PLAG1: variants seen among roughly 807,000 people sequenced by gnomAD.
PLAG1 encodes the protein PLAG1 zinc finger.
Under a neutral mutation model 35.5 loss-of-function variants are expected in PLAG1, and 7 were observed. The observed-to-expected ratio is 0.20, with a 90% confidence interval of 0.11 to 0.37. PLAG1 has a LOEUF of 0.37. Among genes scored for constraint, PLAG1 ranks in the 10% least tolerant of loss-of-function variants. The pLI is 1.00. For missense variants in PLAG1, 454 were observed against 602.8 expected, an observed-to-expected ratio of 0.75 and a Z score of 2.58; for synonymous variants, 229 against 225.4, an observed-to-expected ratio of 1.02 and a Z score of -0.14.
In PLAG1 at chr8:56,161,496, C is replaced by A; in HGVS notation, c.*4747G>T. 4.4e-6 allele frequency: 1 copy of A among 226,420 alleles called. No homozygotes were observed. Among genetic ancestry groups the A allele is most frequent in the Non-Finnish European group, 8.8e-6 (1 of 113,446 alleles). 14.0% of individuals were successfully genotyped at this position (226,420 alleles called of 1,614,324 possible). Reference sequence around the variant, plus strand: ...AATTCAAAGGGCTGTTAGTAACATACAGCATGTTCTTCACTCCACACCCTA... The same window carrying A: ...AATTCAAAGGGCTGTTAGTAACATAAAGCATGTTCTTCACTCCACACCCTA... On this transcript the variant is annotated 3_prime_UTR_variant, in exon 5 of 5. Transcript: ENST00000316981.
chr8:56,171,480 C>T (rs1811521480), intron 2 of PLAG1: 1 of 152,178 alleles, frequency 6.6e-6, no homozygotes, highest in African/African-American at 2.4e-5. Flanking sequence ...ATCTGACTTA[C>T]CTACTGAAAT....
At chr8:56,192,189 G>T (rs1812205122) in intron 1 of PLAG1, among the ~76,000 whole-genome samples, 2 of 152,344 alleles carry the variant, frequency 1.3e-5, no homozygotes, top group Admixed American at 6.5e-5. Flanking sequence ...GACAGCGACT[G>T]TAAGTCTTCC....
At chr8:56,201,407 G>C (rs962953309) in intron 1 of PLAG1, among the ~76,000 whole-genome samples, 1 of 152,158 alleles carries the variant, frequency 6.6e-6, no homozygotes, top group African/African-American at 2.4e-5. Context: ...ATGAGACAAA[G>C]TTTATACTTA....
At chr8:56,199,093 C>A (rs781097842) in intron 1 of PLAG1, among the ~76,000 whole-genome samples, 3 of 152,120 alleles carry the variant, frequency 2.0e-5, no homozygotes, top group Non-Finnish European at 4.4e-5. Context: ...GGAGTGGGAA[C>A]GGGTGCTCAG....
At position 56,162,521 on chromosome 8, in the gene PLAG1, A is replaced by G; in HGVS notation, c.*3722T>C. ...TTATATATCAAAGGCCTACATATAT[A>G]TCATCTAATGGCACTTGAATTATAA... is the stretch of plus-strand genomic sequence containing the variant. On this transcript the variant is annotated 3_prime_UTR_variant, in exon 5 of 5. Transcript: ENST00000316981. The G allele has an allele frequency of 4.7e-6, 1 of 213,418 alleles. No individual in the cohort carries two copies. Among genetic ancestry groups the G allele is most frequent in the Non-Finnish European group, 9.5e-6 (1 of 105,236 alleles). 13.2% of individuals were successfully genotyped at this position (213,418 alleles called of 1,614,324 possible).
rs1228565535 is a variant in PLAG1 at position 56,167,389 on chromosome 8, C to T, written c.357G>A (p.Glu119=). The part of the protein sequence containing the change: ...NHLHTHDPNK[E]TFKCEECGKN... Reference sequence around the variant, plus strand: ...TGCCACATTCTTCGCACTTAAACGTCTCTTTGTTAGGGTCGTGTGTATGGA... The same window carrying T: ...TGCCACATTCTTCGCACTTAAACGTTTCTTTGTTAGGGTCGTGTGTATGGA... Residue 119 remains glutamate (E), a synonymous_variant, in exon 5 of 5, where the codon GAG becomes GAA. Transcript: ENST00000316981. The surrounding 1 kb of genome is among the most constrained non-coding windows in gnomAD (Gnocchi z 5.9). 6.2e-7 allele frequency: 1 copy of T among 1,613,996 alleles called. No homozygotes were observed. Among genetic ancestry groups the T allele is most frequent in the Admixed American group, 1.7e-5 (1 of 59,986 alleles).
Position 56,167,789 on chromosome 8 carries a change from T to C in PLAG1, c.242+239A>G, listed in dbSNP as rs1410370017. On this transcript the variant is annotated intron_variant, in intron 4 of 4. Transcript: ENST00000316981. This position sits in a 1 kb window ranked among gnomAD's most constrained non-coding sequence, Gnocchi z 5.9. ...CGTCCTTACCCTTTTCTTGTTGTAATTTCTTTCTACAAATGGAAATTCTAC... is the reference window on the plus strand; with the variant it reads ...CGTCCTTACCCTTTTCTTGTTGTAACTTCTTTCTACAAATGGAAATTCTAC... 2.0e-5 allele frequency among the ~76,000 whole-genome samples: 3 copies of C among 152,364 alleles called. No individual in the cohort carries two copies. The highest frequency in any genetic ancestry group is 4.1e-4 in the South Asian group (2 of 4,834).
intron 1 of PLAG1, among the ~76,000 whole-genome samples, chr8:56,185,691 G>A (rs36077344): frequency 0.042 from 6,387 of 152,198 alleles, 189 homozygotes; most frequent in Non-Finnish European, 0.067. Flanking sequence ...AAGCCAGTTC[G>A]GTTCACCTGT....
At chr8:56,179,731 A>C (rs1355967698) in intron 1 of PLAG1, among the ~76,000 whole-genome samples, 1 of 151,842 alleles carries the variant, frequency 6.6e-6, no homozygotes, top group African/African-American at 2.4e-5. Context: ...CTCCCGAATC[A>C]CAGTTATCTA....
chr8:56,170,104 C>T (rs1235513984), intron 3 of PLAG1, among the ~76,000 whole-genome samples: 3 of 152,160 alleles, frequency 2.0e-5, no homozygotes, highest in Non-Finnish European at 4.4e-5. Flanking sequence ...TCTAAACAGG[C>T]AAAATACAGC....
rs993185028 is a variant in PLAG1 at position 56,162,936 on chromosome 8, C to CA, written c.*3306dup. 10 of 215,220 alleles carry CA rather than the reference C, an allele frequency of 4.6e-5. No homozygotes were observed. Among genetic ancestry groups the CA allele is most frequent in the African/African-American group, 2.3e-4 (10 of 44,270 alleles). The allele number at this position is 215,220 out of a possible 1,614,324, so 13.3% of individuals were successfully genotyped here. A position where few individuals can be genotyped will look rare whatever the true frequency, so the allele number is the denominator to read the frequency against. ...CTAAATGAAATAAAAAAGTTGCACACAGAGTGATGCATAATCAGCCAGGAC... is the reference window on the plus strand; with the variant it reads ...CTAAATGAAATAAAAAAGTTGCACACAAGAGTGATGCATAATCAGCCAGGAC... On this transcript the variant is annotated 3_prime_UTR_variant, in exon 5 of 5. Coordinates refer to ENST00000316981, the MANE Select transcript of PLAG1 (RefSeq NM_002655.3).
At chr8:56,210,185 C>T (rs1812827990) in intron 1 of PLAG1, among the ~76,000 whole-genome samples, 3 of 152,168 alleles carry the variant, frequency 2.0e-5, no homozygotes, top group South Asian at 2.1e-4. Flanking sequence ...TTGGTCCCTG[C>T]AAAGTCAAAA....
chr8:56,175,808 G>A (rs1460939324), intron 2 of PLAG1, among the ~76,000 whole-genome samples: 1 of 152,024 alleles, frequency 6.6e-6, no homozygotes, highest in Non-Finnish European at 1.5e-5. Context: ...TTCCAAAGTG[G>A]AATCAGAAAA....
In PLAG1 at chr8:56,171,996, T is replaced by C. The variant is rs944015429; in HGVS notation, c.-216-807A>G. Among the ~76,000 whole-genome samples the C allele has an allele frequency of 4.6e-5, 7 of 152,168 alleles. No homozygotes were observed. The East Asian group carries it at 5.8e-4, about 13-fold the overall frequency. On this transcript the variant is annotated intron_variant, in intron 2 of 4. Transcript: ENST00000316981. ...AAAGAATAACGGTCAAAAGGCAGAATAGAATCACCTATTGTAGAGAGCACA... is the reference window on the plus strand; with the variant it reads ...AAAGAATAACGGTCAAAAGGCAGAACAGAATCACCTATTGTAGAGAGCACA...
intron 2 of PLAG1, among the ~76,000 whole-genome samples, chr8:56,175,474 A>C (rs1044032741): frequency 2.0e-5 from 3 of 152,196 alleles, no homozygotes; most frequent in African/African-American, 7.2e-5. Flanking sequence ...GCAGGTCCCC[A>C]AAAATGCATT....
chr8:56,171,505 C>A (rs571379024), intron 2 of PLAG1: 1 of 152,226 alleles, frequency 6.6e-6, no homozygotes, highest in South Asian at 2.1e-4. Context: ...ATTAGGGCTA[C>A]TGTTTATAAA....
intron 3 of PLAG1, among the ~76,000 whole-genome samples, chr8:56,169,636 C>A (rs1399244271): frequency 1.3e-5 from 2 of 152,112 alleles, no homozygotes; most frequent in African/African-American, 4.8e-5. Flanking sequence ...CTTCCCTGGG[C>A]TCAAGCTATC....
In PLAG1 at chr8:56,162,807, G is replaced by A. The variant is rs576943563; in HGVS notation, c.*3436C>T. On this transcript the variant is annotated 3_prime_UTR_variant, in exon 5 of 5. Coordinates refer to ENST00000316981, the MANE Select transcript of PLAG1 (RefSeq NM_002655.3). The stretch of plus-strand genomic sequence containing the variant: ...AGTCAGTATATGGTTTTTAAAAACC[G>A]CTACTGTCCAAATTAACACAATATA... 68 of 213,346 alleles carry A rather than the reference G, an allele frequency of 3.2e-4. No homozygotes were observed. Among genetic ancestry groups the A allele is most frequent in the African/African-American group, 1.4e-3 (60 of 44,320 alleles). 13.2% of individuals were successfully genotyped at this position (213,346 alleles called of 1,614,324 possible). A position where few individuals can be genotyped will look rare whatever the true frequency, so the allele number is the denominator to read the frequency against.
At chr8:56,197,339 G>T (rs962185912) in intron 1 of PLAG1, among the ~76,000 whole-genome samples, 1 of 152,086 alleles carries the variant, frequency 6.6e-6, no homozygotes, top group Non-Finnish European at 1.5e-5. Flanking sequence ...CCTGGAATCT[G>T]TCTCTCCCAC....
Sources: gnomAD v4.1 joint callset for allele counts (sites outside exome capture counted in the v4.1 genomes callset) on GRCh38, gnomAD v4.1.1 for gene constraint, Gnocchi (gnomAD v3.1) non-coding constraint, MANE v1.5 for transcripts, NCBI Gene and HGNC (gene_info 2026-07-23, HGNC 2026-07-21) for gene names.